PTPRN2: variants seen among roughly 807,000 people sequenced by gnomAD.
The protein encoded by PTPRN2 is protein tyrosine phosphatase receptor type N2, also known as receptor-type tyrosine-protein phosphatase N2.
Under a neutral mutation model 118.8 loss-of-function variants are expected in PTPRN2, and 74 were observed. The ratio of observed to expected loss-of-function variants is 0.62; its 90% CI spans 0.52 to 0.76. The LOEUF (loss-of-function observed/expected upper bound fraction) is 0.76, where lower values mean the gene tolerates loss of function less well. Ranked by LOEUF, PTPRN2 falls within the 30% of genes least tolerant of loss-of-function variation. The probability of loss-of-function intolerance (pLI) is 0.00; values close to 1 mark genes in which losing one functional copy is unlikely to be tolerated. For synonymous variants in PTPRN2, 641 were observed against 608.0 expected, an observed-to-expected ratio of 1.05 and a Z score of -0.80; for missense variants, 1,481 against 1,394.4, an observed-to-expected ratio of 1.06 and a Z score of -0.99.
rs147555626 is a variant in PTPRN2, at chr7:157,975,726, A to G, written c.1724-76989T>C. On this transcript the variant is annotated intron_variant, in intron 11 of 22. Transcript: ENST00000389418. ...GTATTCATGTTCAAAGGAGTCTAAA[A>G]CCTCACTGTCTTTTCCATGTGAATT... Among the ~76,000 whole-genome samples, 628 of 149,922 alleles carry G rather than the reference A, an allele frequency of 4.2e-3. 14 individuals carry two copies. The South Asian group carries it at 0.053, about 13-fold the overall frequency.
intron 3 of PTPRN2, among the ~76,000 whole-genome samples, chr7:158,290,732 G>A (rs1197501665): frequency 6.6e-6 from 1 of 152,188 alleles, no homozygotes; most frequent in East Asian, 1.9e-4. Context: ...ATGCAAAACT[G>A]TTTTTTCTGC....
At chr7:158,034,851 C>G (rs1356631413) in intron 11 of PTPRN2, among the ~76,000 whole-genome samples, 1 of 152,226 alleles carries the variant, frequency 6.6e-6, no homozygotes, top group African/African-American at 2.4e-5. Context: ...GAGGCTTCAG[C>G]TGCAAGAGAG....
intron 3 of PTPRN2, among the ~76,000 whole-genome samples, chr7:158,262,861 CACATTCACACACTGCACACACAT>C (rs1327886510): frequency 1.3e-5 from 2 of 149,912 alleles, no homozygotes; most frequent in Non-Finnish European, 3.0e-5. Flanking sequence ...TACATTCACA[CACATTCACACACTGCACACACAT>C]ACATTCACAC....
At chr7:157,556,747 A>G (rs571964539) in intron 21 of PTPRN2, among the ~76,000 whole-genome samples, 1 of 144,902 alleles carries the variant, frequency 6.9e-6, no homozygotes, top group East Asian at 2.1e-4. Context: ...CACACCCCAC[A>G]CTCATACATA....
chr7:158,146,842 G>C (rs549778968), intron 6 of PTPRN2, among the ~76,000 whole-genome samples: 8 of 152,110 alleles, frequency 5.3e-5, no homozygotes, highest in East Asian at 3.9e-4. Flanking sequence ...AGGCCAGAGA[G>C]ACTTGACCAA....
intron 3 of PTPRN2, among the ~76,000 whole-genome samples, chr7:158,248,028 T>TA (rs1437961224): frequency 6.6e-6 from 1 of 152,156 alleles, no homozygotes; most frequent in Non-Finnish European, 1.5e-5. Context: ...GCTTGTCTCA[T>TA]AAAATCACAG....
chr7:158,401,205 C>A (rs1436557555), intron 2 of PTPRN2, among the ~76,000 whole-genome samples: 1 of 125,400 alleles, frequency 8.0e-6, no homozygotes, highest in East Asian at 2.0e-4. Context: ...GGGCTCCAAG[C>A]CCCTCAGACC....
chr7:157,785,703 G>A lies in PTPRN2; in HGVS notation c.1789-102766C>T, dbSNP rs531552725. On this transcript the variant is annotated intron_variant, in intron 12 of 22. Transcript: ENST00000389418. The surrounding 1 kb of genome is among the most constrained non-coding windows in gnomAD (Gnocchi z 7.3). ...CCAAGGGGGAGCCTGCTCAGAGATG[G>A]GCATGGGGCCGGCCTGGGAAGCATG... Among the ~76,000 whole-genome samples, 1 of 152,296 alleles carries A rather than the reference G, an allele frequency of 6.6e-6. No individual in the cohort carries two copies. The highest frequency in any genetic ancestry group is 1.9e-4 in the East Asian group (1 of 5,160).
intron 10 of PTPRN2, among the ~76,000 whole-genome samples, chr7:158,094,422 G>A (rs1222732707): frequency 1.3e-5 from 2 of 152,090 alleles, no homozygotes; most frequent in African/African-American, 2.4e-5. Context: ...TGATTCTCCT[G>A]CCTCAGCCTC....
chr7:158,110,774 G>A, intron 10 of PTPRN2, 55 bp downstream of exon 10: 1 of 1,483,274 alleles, frequency 6.7e-7, no homozygotes, highest in Admixed American at 2.0e-5. Context: ...CTCCCACCCA[G>A]TCTCTGCGAC....
At chr7:158,309,906 G>A (rs529658235) in intron 3 of PTPRN2, among the ~76,000 whole-genome samples, 13 of 152,270 alleles carry the variant, frequency 8.5e-5, no homozygotes, top group South Asian at 4.1e-4. Context: ...TCATGAAGAC[G>A]GCGCCCATGC....
At chr7:158,524,704 C>G (rs776459591) in intron 1 of PTPRN2, among the ~76,000 whole-genome samples, 1 of 152,136 alleles carries the variant, frequency 6.6e-6, no homozygotes, top group Non-Finnish European at 1.5e-5. Flanking sequence ...GAAAAATTGG[C>G]GTTAACCCTC....
At chr7:157,683,466 G>A (rs1797009638) in intron 12 of PTPRN2, among the ~76,000 whole-genome samples, 1 of 152,172 alleles carries the variant, frequency 6.6e-6, no homozygotes, top group South Asian at 2.1e-4. Context: ...CTCCCTCCCA[G>A]GTCAGGGGAT....
In PTPRN2 at chr7:157,618,469, A is replaced by G. The variant is rs1007062828; in HGVS notation, c.2344+2893T>C. On this transcript the variant is annotated intron_variant, in intron 15 of 22. Transcript: ENST00000389418. The surrounding 1 kb of genome is among the most constrained non-coding windows in gnomAD (Gnocchi z 4.2). Reference sequence around the variant, plus strand: ...CCAGCTCGAGTGCCGTCCCCCCACCATGACAGCGCAGCATGGGCCTTCCAA... The same window carrying G: ...CCAGCTCGAGTGCCGTCCCCCCACCGTGACAGCGCAGCATGGGCCTTCCAA... 6.6e-6 allele frequency: 1 copy of G among 152,438 alleles called. No individual in the cohort carries two copies. The highest frequency in any genetic ancestry group is 6.5e-5 in the Admixed American group (1 of 15,288). The allele number at this position is 152,438 out of a possible 1,614,324, so 9.4% of individuals were successfully genotyped here.
At chr7:158,448,294 T>C (rs1345319295) in intron 2 of PTPRN2, among the ~76,000 whole-genome samples, 1 of 152,244 alleles carries the variant, frequency 6.6e-6, no homozygotes, top group Non-Finnish European at 1.5e-5. Context: ...TAGTATTTAT[T>C]ATACATTTTC....
chr7:157,684,384 A>AGGGAGAGGGAAAGGG (rs1307078637), intron 12 of PTPRN2, among the ~76,000 whole-genome samples: 1 of 95,850 alleles, frequency 1.0e-5, no homozygotes, highest in East Asian at 4.2e-4. Flanking sequence ...GGAAAGGGGG[A>AGGGAGAGGGAAAGGG]GGGAGAGGGA....
rs373425856 is a variant in PTPRN2, at chr7:158,133,907, G to A, written c.1326C>T (p.Ala442=). Residue 442 remains alanine (A), a synonymous_variant, in exon 9 of 23, where the codon GCC becomes GCT. Coordinates refer to ENST00000389418, the MANE Select transcript of PTPRN2 (RefSeq NM_002847.5). ...ESSLSSEEET[A]GVENVKSQTY... Reference sequence around the variant, plus strand: ...TCTGGCTCTTGACGTTCTCCACTCCGGCAGTCTCCTCTTCTGAAGACAGGG... The same window carrying A: ...TCTGGCTCTTGACGTTCTCCACTCCAGCAGTCTCCTCTTCTGAAGACAGGG... 19 of 1,613,788 alleles carry A rather than the reference G, an allele frequency of 1.2e-5. No individual in the cohort carries two copies. In the African/African-American group the frequency reaches 1.3e-4, roughly 11 times the overall value.
chr7:157,621,650 T>A, intron 14 of PTPRN2, 141 bp from the exon 15 acceptor site: 2 of 992,664 alleles, frequency 2.0e-6, no homozygotes, highest in Non-Finnish European at 3.0e-6. Flanking sequence ...GGTGCGACGT[T>A]GTGCTACGGT....
At chr7:158,489,806 G>A in intron 1 of PTPRN2, 21 bp from the exon 2 acceptor site, 1 of 1,561,754 alleles carries the variant, frequency 6.4e-7, no homozygotes, top group South Asian at 1.2e-5. Flanking sequence ...ACAGAGAAGA[G>A]ACGCGGTCAG....
Sources: gnomAD v4.1 joint callset for allele counts (sites outside exome capture counted in the v4.1 genomes callset) on GRCh38, gnomAD v4.1.1 for gene constraint, Gnocchi (gnomAD v3.1) non-coding constraint, MANE v1.5 for transcripts, NCBI Gene and HGNC (gene_info 2026-07-23, HGNC 2026-07-21) for gene names.